Variants in DGKB observed in about 807,000 individuals in gnomAD.
DGKB encodes the protein diacylglycerol kinase beta.
In DGKB, 67 loss-of-function variants were observed where a neutral mutation model predicts 114.3. The observed-to-expected ratio is 0.59, with a 90% CI of 0.48 to 0.72. The LOEUF is 0.72. DGKB is among the 30% of genes least tolerant of loss of function. DGKB has a pLI of 0.00. For missense variants in DGKB, 907 were observed against 975.2 expected, an observed-to-expected ratio of 0.93 and a Z score of 0.93; for synonymous variants, 398 against 323.1, an observed-to-expected ratio of 1.23 and a Z score of -2.49.
chr7:14,246,520 TA>T (rs1162377904), intron 23 of DGKB, among the ~76,000 whole-genome samples: 1 of 152,136 alleles, frequency 6.6e-6, no homozygotes, highest in East Asian at 1.9e-4. Context: ...GAGAATACCA[TA>T]TATGATTTGC....
chr7:14,863,601 A>G (rs1851289602), intron 1 of DGKB, among the ~76,000 whole-genome samples: 1 of 152,100 alleles, frequency 6.6e-6, no homozygotes, highest in Admixed American at 6.6e-5. Context: ...GAATTAAAAT[A>G]TAGTTTAAAG....
intron 17 of DGKB, among the ~76,000 whole-genome samples, chr7:14,590,775 A>T (rs1158373475): frequency 6.6e-6 from 1 of 152,134 alleles, no homozygotes; most frequent in African/African-American, 2.4e-5. Context: ...ATATACACAT[A>T]AAGAAAATGT....
At chr7:14,403,801 C>A (rs1179543639) in intron 21 of DGKB, among the ~76,000 whole-genome samples, 2 of 151,890 alleles carry the variant, frequency 1.3e-5, no homozygotes, top group African/African-American at 4.8e-5. Context: ...AACCACTAAA[C>A]CCTACATGAG....
chr7:14,284,607 A>G (rs1365253907), intron 23 of DGKB, among the ~76,000 whole-genome samples: 1 of 143,496 alleles, frequency 7.0e-6, no homozygotes, highest in Non-Finnish European at 1.5e-5. Context: ...ACTTGGAACC[A>G]ACCCAAATGT....
chr7:14,300,036 C>T (rs1299814283), intron 23 of DGKB, among the ~76,000 whole-genome samples: 1 of 152,044 alleles, frequency 6.6e-6, no homozygotes, highest in African/African-American at 2.4e-5. Flanking sequence ...TACTTCCAGA[C>T]ATACACGGAA....
intron 21 of DGKB, among the ~76,000 whole-genome samples, chr7:14,442,807 T>C (rs1830247306): frequency 6.6e-6 from 1 of 152,108 alleles, no homozygotes. Context: ...CTGCCTCCCA[T>C]GTGTCTGGGA....
chr7:14,703,569 C>T (rs1825598580), intron 6 of DGKB, among the ~76,000 whole-genome samples: 1 of 152,172 alleles, frequency 6.6e-6, no homozygotes, highest in African/African-American at 2.4e-5. Flanking sequence ...GAAGCACAGT[C>T]CCAGGTTATC....
At chr7:14,835,993 C>CGCTGATT (rs1847106181) in intron 2 of DGKB, among the ~76,000 whole-genome samples, 1 of 152,048 alleles carries the variant, frequency 6.6e-6, no homozygotes, top group African/African-American at 2.4e-5. Flanking sequence ...TTTAGTATGA[C>CGCTGATT]GCTGATTATA....
chr7:14,534,038 T>C (rs1315870758), intron 20 of DGKB, among the ~76,000 whole-genome samples: 7 of 152,082 alleles, frequency 4.6e-5, no homozygotes, highest in African/African-American at 7.2e-5. Context: ...AAATGTTATA[T>C]AAATCATTTT....
intron 1 of DGKB, among the ~76,000 whole-genome samples, chr7:14,928,333 T>G (rs910193035): frequency 2.0e-5 from 3 of 151,954 alleles, no homozygotes; most frequent in African/African-American, 4.8e-5. Flanking sequence ...ACTGATACAT[T>G]GATTTTACTA....
At chr7:14,847,242 G>A (rs1476728332) in intron 1 of DGKB, among the ~76,000 whole-genome samples, 2 of 143,142 alleles carry the variant, frequency 1.4e-5, no homozygotes, top group Admixed American at 7.3e-5. Flanking sequence ...AGTGAGCCGA[G>A]ATGGCGCCAC....
chr7:14,451,099 C>T (rs930825326), intron 21 of DGKB, among the ~76,000 whole-genome samples: 1 of 151,894 alleles, frequency 6.6e-6, no homozygotes, highest in Non-Finnish European at 1.5e-5. Flanking sequence ...CAGAATCTTC[C>T]CCTATTGTGA....
chr7:14,217,583 A>T (rs1318615748), intron 23 of DGKB, among the ~76,000 whole-genome samples: 1 of 152,054 alleles, frequency 6.6e-6, no homozygotes, highest in African/African-American at 2.4e-5. Context: ...TATGCTGACC[A>T]GTTACACGGG....
intron 25 of DGKB, among the ~76,000 whole-genome samples, chr7:14,167,026 A>C (rs533829953): frequency 2.0e-5 from 3 of 152,052 alleles, no homozygotes; most frequent in Non-Finnish European, 4.4e-5. Context: ...CCTGGCTAAT[A>C]GGGTGAAAAC....
chr7:14,357,775 C>T lies in DGKB; in HGVS notation c.1836-12384G>A, dbSNP rs188266575. 4.8e-3 allele frequency among the ~76,000 whole-genome samples: 729 copies of T among 152,244 alleles called. 2 individuals are homozygous for T. Among genetic ancestry groups the T allele is most frequent in the Non-Finnish European group, 6.4e-3 (437 of 68,024 alleles). ...GTGTTTAGTGCTTCCTTCAGGAACT[C>T]TTGTAAGGCAGGCTTGGTGGTGGCA... On this transcript the variant is annotated intron_variant, in intron 21 of 25. Transcript: ENST00000402815.
At chr7:14,216,619 G>C (rs1387297266) in intron 23 of DGKB, among the ~76,000 whole-genome samples, 2 of 151,358 alleles carry the variant, frequency 1.3e-5, no homozygotes, top group Admixed American at 1.3e-4. Flanking sequence ...CCAGCTACCC[G>C]GGAGGCTGAA....
intron 15 of DGKB, among the ~76,000 whole-genome samples, chr7:14,619,861 A>C (rs1807278718): frequency 6.6e-6 from 1 of 151,694 alleles, no homozygotes; most frequent in Admixed American, 6.6e-5. Context: ...ATAATGCTTA[A>C]GCTATCCTAT....
At chr7:14,378,569 C>G (rs565906800) in intron 21 of DGKB, among the ~76,000 whole-genome samples, 1 of 151,842 alleles carries the variant, frequency 6.6e-6, no homozygotes, top group East Asian at 1.9e-4. Context: ...CACTTAAATC[C>G]CAGAGAATGA....
At chr7:14,574,986 G>A (rs1217698092) in intron 19 of DGKB, among the ~76,000 whole-genome samples, 1 of 152,042 alleles carries the variant, frequency 6.6e-6, no homozygotes, top group Non-Finnish European at 1.5e-5. Flanking sequence ...ACTTCCCAGT[G>A]CTGCTGCTTA....
Sources: allele counts gnomAD v4.1 joint callset (sites outside exome capture counted in the v4.1 genomes callset), GRCh38; gene constraint gnomAD v4.1.1; transcripts MANE v1.5; gene names NCBI Gene and HGNC (gene_info 2026-07-23, HGNC 2026-07-21).